DPP10: variants seen among roughly 807,000 people sequenced by gnomAD.
DPP10 encodes the protein dipeptidyl peptidase like 10.
A neutral mutation model predicts 120.9 loss-of-function variants in DPP10; 33 were observed. The ratio of observed to expected loss-of-function variants is 0.27; its 90% CI spans 0.21 to 0.37. The LOEUF is 0.37. Ranked by LOEUF, DPP10 falls within the 10% of genes least tolerant of loss-of-function variation. The pLI is 1.00. For missense variants in DPP10, 816 were observed against 942.8 expected (o/e 0.87, Z 1.76); for synonymous variants, 337 against 326.1 (o/e 1.03, Z -0.36).
At chr2:115,012,339 C>T (rs1222356560) in intron 1 of DPP10, among the ~76,000 whole-genome samples, 13 of 152,132 alleles carry the variant, frequency 8.5e-5, no homozygotes, top group Admixed American at 8.5e-4. Context: ...AGATAATGGG[C>T]TCTTGAGAGC....
intron 1 of DPP10, among the ~76,000 whole-genome samples, chr2:114,813,506 T>C (rs922991806): frequency 3.9e-5 from 6 of 152,176 alleles, no homozygotes; most frequent in African/African-American, 1.4e-4. Context: ...TTCTCAACAA[T>C]CCTGTGCCTA....
chr2:115,459,226 G>A (rs192009467), intron 3 of DPP10, among the ~76,000 whole-genome samples: 1 of 151,852 alleles, frequency 6.6e-6, no homozygotes, highest in African/African-American at 2.4e-5. Context: ...GCACAATGTG[G>A]TCTCACTGCA....
chr2:114,923,558 A>G (rs569229632), intron 1 of DPP10, among the ~76,000 whole-genome samples: 15 of 139,700 alleles, frequency 1.1e-4, no homozygotes, highest in African/African-American at 3.5e-4. Flanking sequence ...AGCTCAATGC[A>G]AGCTCTGCCA....
intron 1 of DPP10, among the ~76,000 whole-genome samples, chr2:114,766,001 T>G (rs1353627233): frequency 1.3e-5 from 2 of 152,134 alleles, no homozygotes; most frequent in Non-Finnish European, 2.9e-5. Context: ...ATGTAATATG[T>G]AAACCACCAT....
intron 1 of DPP10, among the ~76,000 whole-genome samples, chr2:115,020,622 A>C (rs1249164405): frequency 1.3e-5 from 2 of 152,080 alleles, no homozygotes; most frequent in African/African-American, 4.8e-5. Flanking sequence ...AAACTCAACA[A>C]ATGAACAATG....
chr2:115,809,848 T>C (rs556205166), intron 19 of DPP10, among the ~76,000 whole-genome samples: 2 of 152,282 alleles, frequency 1.3e-5, no homozygotes, highest in East Asian at 1.9e-4. Flanking sequence ...AAAGCTTTAC[T>C]GATAAGGATA....
At chr2:114,659,741 A>T (rs911086304) in intron 1 of DPP10, among the ~76,000 whole-genome samples, 1 of 152,190 alleles carries the variant, frequency 6.6e-6, no homozygotes, top group African/African-American at 2.4e-5. Flanking sequence ...CAATGTTAAA[A>T]AATGAAGTTA....
At chr2:115,777,527 TGAGA>T (rs1559141591) in intron 14 of DPP10, among the ~76,000 whole-genome samples, 1 of 152,042 alleles carries the variant, frequency 6.6e-6, no homozygotes, top group Non-Finnish European at 1.5e-5. Flanking sequence ...ACACAGTGAT[TGAGA>T]GAGGTTATGA....
chr2:115,214,425 CTG>C (rs1390767436), intron 1 of DPP10, among the ~76,000 whole-genome samples: 1 of 152,142 alleles, frequency 6.6e-6, no homozygotes, highest in Non-Finnish European at 1.5e-5. Flanking sequence ...TTGTTAAACT[CTG>C]TGGATTTTAA....
At chr2:115,815,020 C>A in intron 20 of DPP10, 33 bp downstream of exon 20, 2 of 1,556,014 alleles carry the variant, frequency 1.3e-6, no homozygotes, top group Middle Eastern at 1.7e-4. Context: ...TCTCTGTTTT[C>A]TATAATGACA....
At chr2:115,323,230 T>G (rs1046473356) in intron 2 of DPP10, among the ~76,000 whole-genome samples, 2 of 152,204 alleles carry the variant, frequency 1.3e-5, no homozygotes, top group African/African-American at 4.8e-5. Context: ...TTACAGCATG[T>G]TAGCTAGGAG....
At chr2:115,470,591 G>A (rs1014427240) in intron 3 of DPP10, among the ~76,000 whole-genome samples, 2 of 152,176 alleles carry the variant, frequency 1.3e-5, no homozygotes, top group Admixed American at 6.5e-5. Context: ...CGATTGGAAT[G>A]TTTGTATGGA....
chr2:115,021,693 T>A (rs934589765), intron 1 of DPP10, among the ~76,000 whole-genome samples: 7 of 151,804 alleles, frequency 4.6e-5, no homozygotes, highest in Admixed American at 1.3e-4. Context: ...CCTAAACCAG[T>A]GAAGGATGTA....
chr2:114,901,335 C>T (rs749139161), intron 1 of DPP10, among the ~76,000 whole-genome samples: 1 of 152,112 alleles, frequency 6.6e-6, no homozygotes, highest in South Asian at 2.1e-4. Context: ...GCAGATGGGA[C>T]TACAGGCACC....
intron 1 of DPP10, among the ~76,000 whole-genome samples, chr2:115,007,470 A>G (rs1701938997): frequency 6.6e-6 from 1 of 152,118 alleles, no homozygotes; most frequent in Admixed American, 6.6e-5. Context: ...AGCCAATATC[A>G]TACTGAATGG....
intron 1 of DPP10, among the ~76,000 whole-genome samples, chr2:114,915,907 C>T (rs1694764349): frequency 6.6e-6 from 1 of 152,058 alleles, no homozygotes; most frequent in Admixed American, 6.6e-5. Flanking sequence ...CTCAAATTAA[C>T]AGTTCTAACA....
intron 4 of DPP10, among the ~76,000 whole-genome samples, chr2:115,505,154 T>C (rs1301972400): frequency 6.6e-6 from 1 of 152,086 alleles, no homozygotes; most frequent in Non-Finnish European, 1.5e-5. Flanking sequence ...AAATCCACAT[T>C]CATAGCCATT....
intron 19 of DPP10, among the ~76,000 whole-genome samples, chr2:115,801,471 T>C (rs955371741): frequency 6.6e-6 from 1 of 152,322 alleles, no homozygotes. Flanking sequence ...TCCAACACTA[T>C]GTTGAATGGG....
intron 19 of DPP10, among the ~76,000 whole-genome samples, chr2:115,804,197 A>T (rs1336344733): frequency 6.6e-6 from 1 of 152,020 alleles, no homozygotes; most frequent in African/African-American, 2.4e-5. Context: ...TCTATCGCTG[A>T]TACCCTTTCT....
Sources: allele counts gnomAD v4.1 joint callset (sites outside exome capture counted in the v4.1 genomes callset), GRCh38; gene constraint gnomAD v4.1.1; transcripts MANE v1.5; gene names NCBI Gene and HGNC (gene_info 2026-07-23, HGNC 2026-07-21).